The following SKI variants were observed in gnomAD, a reference collection of about 807,000 sequenced individuals.
SKI encodes the protein ski oncogene.
In SKI, 23 loss-of-function variants were observed where a neutral mutation model predicts 59.3. The observed-to-expected ratio is 0.39, with a 90% CI of 0.28 to 0.55. The LOEUF (loss-of-function observed/expected upper bound fraction) is 0.55, where lower values mean the gene tolerates loss of function less well. SKI is among the 20% of genes least tolerant of loss of function. The pLI, the probability that SKI is intolerant of heterozygous loss-of-function variation, is 0.67. For missense variants in SKI, 1,017 were observed against 1,038.9 expected (o/e 0.98, Z 0.29); for synonymous variants, 673 against 488.6 (o/e 1.38, Z -4.98).
In SKI at chr1:2,229,344, G is replaced by A. The variant is rs1236140664; in HGVS notation, c.578G>A (p.Gly193Asp). The A allele has an allele frequency of 6.3e-7, 1 of 1,595,146 alleles. No individual in the cohort carries two copies. Among genetic ancestry groups the A allele is most frequent in the Non-Finnish European group, 8.5e-7 (1 of 1,171,328 alleles). Residue 193 changes from glycine to aspartate, a missense_variant, in exon 1 of 7, where the codon GGC becomes GAC. By Grantham distance (94) the Gly-to-Asp change is moderately conservative (BLOSUM62 -1). Coordinates refer to ENST00000378536, the MANE Select transcript of SKI (RefSeq NM_003036.4). The surrounding 1 kb of genome is among the most constrained non-coding windows in gnomAD (Gnocchi z 6.3). ...ERLCNALLYGGAYPPPCKKEL... is the reference protein window; with the variant it reads ...ERLCNALLYGDAYPPPCKKEL... ...CTGTGCAACGCGCTGCTCTACGGCG[G>A]CGCCTACCCGCCGCCCTGCAAGAAG...
chr1:2,300,521 A>G (rs1640398713), intron 1 of SKI, among the ~76,000 whole-genome samples: 1 of 152,192 alleles, frequency 6.6e-6, no homozygotes, highest in Non-Finnish European at 1.5e-5. Context: ...GGGCCTTGGT[A>G]GGGCGGGTGG....
At chr1:2,304,707 C>T in intron 5 of SKI, 122 bp downstream of exon 5, 2 of 1,425,448 alleles carry the variant, frequency 1.4e-6, no homozygotes, top group Non-Finnish European at 1.8e-6. Flanking sequence ...TCCTCTCTGC[C>T]TCCACCTCAG....
chr1:2,228,900 A>C lies in SKI; in HGVS notation c.134A>C (p.Glu45Ala). ...PAAFSARWAQEAYKKESAKEA... is the reference protein window; with the variant it reads ...PAAFSARWAQAAYKKESAKEA... The stretch of plus-strand genomic sequence containing the variant: ...GCTTTCTCGGCGCGCTGGGCGCAGG[A>C]GGCCTACAAGAAGGAGAGCGCCAAG... The change falls in exon 1 of 7, where the codon GAG becomes GCG. Residue 45 changes from glutamate to alanine, a missense_variant. By Grantham distance (107) the Glu-to-Ala change is moderately radical. Coordinates refer to ENST00000378536, the MANE Select transcript of SKI (RefSeq NM_003036.4). The C allele has an allele frequency of 1.4e-6, 2 of 1,417,480 alleles. No individual in the cohort carries two copies. The highest frequency in any genetic ancestry group is 9.3e-7 in the Non-Finnish European group (1 of 1,080,916). The allele number at this position is 1,417,480 out of a possible 1,614,324, so 87.8% of individuals were successfully genotyped here.
intron 1 of SKI, 90 bp from the exon 2 acceptor site, chr1:2,302,888 G>T (rs769079304): frequency 9.9e-5 from 154 of 1,553,286 alleles, no homozygotes; most frequent in Admixed American, 1.3e-4. Flanking sequence ...AGTGCATGGG[G>T]CTCTGACTGC....
intron 1 of SKI, among the ~76,000 whole-genome samples, chr1:2,280,614 GAGAA>G (rs1639855950): frequency 6.8e-6 from 1 of 146,074 alleles, no homozygotes; most frequent in African/African-American, 2.5e-5. Context: ...GAAGATGCCC[GAGAA>G]GACAGGCGGC....
chr1:2,231,529 C>T lies in SKI; in HGVS notation c.969+1794C>T, dbSNP rs556832552. 1.9e-4 allele frequency among the ~76,000 whole-genome samples: 29 copies of T among 152,344 alleles called. 1 individual carries two copies. The South Asian group carries it at 2.7e-3, about 14-fold the overall frequency. On this transcript the variant is annotated intron_variant, in intron 1 of 6. Coordinates refer to ENST00000378536, the MANE Select transcript of SKI (RefSeq NM_003036.4). ...CCCTGTGGTTGTGAGCGCCGGGGTC[C>T]TTGGGCCGCCATAGAGACAGGCCAG...
At chr1:2,243,643 C>G (rs192757002) in intron 1 of SKI, among the ~76,000 whole-genome samples, 36 of 152,296 alleles carry the variant, frequency 2.4e-4, no homozygotes, top group African/African-American at 8.4e-4. Flanking sequence ...TCACGCCAGG[C>G]TGTCTTCCAA....
intron 1 of SKI, among the ~76,000 whole-genome samples, chr1:2,291,130 G>A (rs1640153949): frequency 1.3e-5 from 2 of 152,228 alleles, no homozygotes; most frequent in South Asian, 2.1e-4. Flanking sequence ...GAATGCAGGC[G>A]CTGGGGATGC....
chr1:2,300,423 C>G (rs907803442), intron 1 of SKI, among the ~76,000 whole-genome samples: 1 of 151,710 alleles, frequency 6.6e-6, no homozygotes, highest in Non-Finnish European at 1.5e-5. Flanking sequence ...GGCAAGCGGT[C>G]GTAGCTGCTC....
chr1:2,285,588 G>A lies in SKI; in HGVS notation c.970-17390G>A, dbSNP rs1043104460. Among the ~76,000 whole-genome samples the A allele has an allele frequency of 3.0e-4, 45 of 148,914 alleles. 1 individual carries two copies. The highest frequency in any genetic ancestry group is 8.0e-4 in the East Asian group (4 of 5,030). On this transcript the variant is annotated intron_variant, in intron 1 of 6. Coordinates refer to ENST00000378536, the MANE Select transcript of SKI (RefSeq NM_003036.4). Reference sequence around the variant, plus strand: ...GTTGTTTTTGTTTTTTTTTTGAGACGGAATCTTGCTCTGTCACCCAGGCTG... The same window carrying A: ...GTTGTTTTTGTTTTTTTTTTGAGACAGAATCTTGCTCTGTCACCCAGGCTG...
chr1:2,292,325 T>C (rs944070214), intron 1 of SKI, among the ~76,000 whole-genome samples: 1 of 152,200 alleles, frequency 6.6e-6, no homozygotes, highest in Non-Finnish European at 1.5e-5. Context: ...GGGCTTTGCC[T>C]GTAGAAGCTC....
intron 1 of SKI, among the ~76,000 whole-genome samples, chr1:2,292,323 C>G (rs1640178935): frequency 6.6e-6 from 1 of 152,162 alleles, no homozygotes; most frequent in African/African-American, 2.4e-5. Context: ...TGGGGCTTTG[C>G]CTGTAGAAGC....
At chr1:2,295,222 C>T (rs1225631073) in intron 1 of SKI, among the ~76,000 whole-genome samples, 2 of 152,214 alleles carry the variant, frequency 1.3e-5, no homozygotes, top group East Asian at 3.9e-4. Context: ...GCGCCAGGAG[C>T]TGCCCCTGCA....
At chr1:2,292,754 G>T (rs74970069) in intron 1 of SKI, among the ~76,000 whole-genome samples, 2 of 152,232 alleles carry the variant, frequency 1.3e-5, no homozygotes, top group African/African-American at 4.8e-5. Flanking sequence ...GGACGTGAGG[G>T]CCTGTGGCTT....
At chr1:2,246,822 T>A (rs1639007975) in intron 1 of SKI, among the ~76,000 whole-genome samples, 1 of 151,258 alleles carries the variant, frequency 6.6e-6, no homozygotes, top group Non-Finnish European at 1.5e-5. Flanking sequence ...ACCGTGTGCC[T>A]GGCCTGTAGC....
intron 1 of SKI, among the ~76,000 whole-genome samples, chr1:2,282,398 CGGAGAT>C (rs1639908922): frequency 2.2e-5 from 1 of 46,000 alleles, no homozygotes; most frequent in Non-Finnish European, 4.4e-5. Context: ...CAGGCGGTGG[CGGAGAT>C]CTTCAGAGAG....
At chr1:2,287,127 C>T (rs555430272) in intron 1 of SKI, among the ~76,000 whole-genome samples, 1 of 152,120 alleles carries the variant, frequency 6.6e-6, no homozygotes, top group South Asian at 2.1e-4. Context: ...CTAGAGGGCC[C>T]CTGCGCACCC....
Position 2,308,278 on chromosome 1 carries a change from G to C in SKI, c.*1513G>C, listed in dbSNP as rs918912283. 1.3e-5 allele frequency: 2 copies of C among 152,206 alleles called. No individual in the cohort carries two copies. The highest frequency in any genetic ancestry group is 4.8e-5 in the African/African-American group (2 of 41,450). The allele number at this position is 152,206 out of a possible 1,614,324, so 9.4% of individuals were successfully genotyped here. A position where few individuals can be genotyped will look rare whatever the true frequency, so the allele number is the denominator to read the frequency against. ...ACAGACGACCTCGGGGCAGTGACGAGCAAAGACCAGAGACTGCTGAGCCCT... is the reference window on the plus strand; with the variant it reads ...ACAGACGACCTCGGGGCAGTGACGACCAAAGACCAGAGACTGCTGAGCCCT... On this transcript the variant is annotated 3_prime_UTR_variant, in exon 7 of 7. Transcript: ENST00000378536.
chr1:2,306,929 T>C lies in SKI; in HGVS notation c.*164T>C, dbSNP rs1438602635. 2 of 446,292 alleles carry C rather than the reference T, an allele frequency of 4.5e-6. No individual in the cohort carries two copies. The highest frequency in any genetic ancestry group is 6.0e-5 in the South Asian group (1 of 16,788). 27.6% of individuals were successfully genotyped at this position (446,292 alleles called of 1,614,324 possible). On this transcript the variant is annotated 3_prime_UTR_variant, in exon 7 of 7. Transcript: ENST00000378536. ...GTAACCATGTAGTTTTGGAACCCAC[T>C]GCAAAATTTTCTACTGGCCAAGTTC...
Sources: allele counts gnomAD v4.1 joint callset (sites outside exome capture counted in the v4.1 genomes callset), GRCh38; gene constraint gnomAD v4.1.1; non-coding constraint Gnocchi (gnomAD v3.1); transcripts MANE v1.5; gene names NCBI Gene and HGNC (gene_info 2026-07-23, HGNC 2026-07-21).